The following EYS variants were observed in gnomAD, a reference collection of about 807,000 sequenced individuals.
EYS encodes the protein protein eyes shut homolog.
In EYS, 250 loss-of-function variants were observed where a neutral mutation model predicts 282.1. The observed-to-expected ratio is 0.89, with a 90% confidence interval of 0.80 to 0.98. The LOEUF is 0.98. Among genes scored for constraint, EYS ranks in the 50% least tolerant of loss-of-function variants. The pLI, the probability that EYS is intolerant of heterozygous loss-of-function variation, is 0.00. For synonymous variants in EYS, 1,355 were observed against 1,282.9 expected (o/e 1.06, Z -1.20); for missense variants, 4,016 against 3,709.0 (o/e 1.08, Z -2.15).
chr6:64,808,590 A>G (rs1481802195), intron 22 of EYS, among the ~76,000 whole-genome samples: 1 of 151,858 alleles, frequency 6.6e-6, no homozygotes, highest in Non-Finnish European at 1.5e-5. Flanking sequence ...CTGAACTCAA[A>G]GTGTAAAAAA....
At chr6:65,274,470 C>T (rs1456279138) in intron 12 of EYS, among the ~76,000 whole-genome samples, 4 of 152,160 alleles carry the variant, frequency 2.6e-5, no homozygotes, top group Non-Finnish European at 4.4e-5. Context: ...AGCACATCTC[C>T]TTGTCCCTAG....
chr6:65,314,226 C>T (rs1393104357), intron 11 of EYS, among the ~76,000 whole-genome samples: 9 of 151,086 alleles, frequency 6.0e-5, no homozygotes, highest in Non-Finnish European at 1.0e-4. Flanking sequence ...CATTTAAAAT[C>T]GAAACCCCCC....
intron 12 of EYS, among the ~76,000 whole-genome samples, chr6:65,258,878 G>C (rs1176953618): frequency 6.6e-6 from 1 of 151,980 alleles, no homozygotes; most frequent in Non-Finnish European, 1.5e-5. Flanking sequence ...ACATAATTGT[G>C]AAATCTCCCA....
At chr6:65,673,479 G>A (rs1015301023) in intron 1 of EYS, among the ~76,000 whole-genome samples, 2 of 152,106 alleles carry the variant, frequency 1.3e-5, no homozygotes, top group African/African-American at 4.8e-5. Context: ...AGGTATTTAA[G>A]GACTAAGAAT....
At chr6:63,943,431 AT>A (rs1765301404) in intron 35 of EYS, among the ~76,000 whole-genome samples, 1 of 152,214 alleles carries the variant, frequency 6.6e-6, no homozygotes, top group Middle Eastern at 3.2e-3. Flanking sequence ...CTCAGAAAAT[AT>A]TTTGCCTAGC....
At chr6:65,242,652 G>A (rs1193887799) in intron 12 of EYS, among the ~76,000 whole-genome samples, 2 of 152,006 alleles carry the variant, frequency 1.3e-5, no homozygotes, top group Non-Finnish European at 2.9e-5. Flanking sequence ...GAATTGATGG[G>A]TCATATGATA....
chr6:64,640,031 A>C (rs1768074277), intron 22 of EYS, among the ~76,000 whole-genome samples: 2 of 139,982 alleles, frequency 1.4e-5, no homozygotes, highest in South Asian at 5.0e-4. Flanking sequence ...ATCTCACACC[A>C]GTTAGAATGG....
At chr6:64,182,220 AATC>A (rs1764806796) in intron 31 of EYS, among the ~76,000 whole-genome samples, 1 of 152,146 alleles carries the variant, frequency 6.6e-6, no homozygotes, top group South Asian at 2.1e-4. Flanking sequence ...CCATATGTGA[AATC>A]ATCATATGGA....
At chr6:63,957,723 T>A (rs184956805) in intron 35 of EYS, among the ~76,000 whole-genome samples, 3 of 140,908 alleles carry the variant, frequency 2.1e-5, no homozygotes, top group African/African-American at 7.3e-5. Flanking sequence ...ACAATATTCT[T>A]AAGTACTTTC....
At chr6:64,255,268 C>T (rs754643940) in intron 30 of EYS, among the ~76,000 whole-genome samples, 1 of 151,964 alleles carries the variant, frequency 6.6e-6, no homozygotes, top group Non-Finnish European at 1.5e-5. Context: ...CTTAAACATC[C>T]AGGGGAAGGG....
intron 5 of EYS, among the ~76,000 whole-genome samples, chr6:65,423,208 A>T (rs187771188): frequency 3.9e-5 from 6 of 151,986 alleles, no homozygotes; most frequent in African/African-American, 1.2e-4. Flanking sequence ...AAGGGGGAGG[A>T]GTAAATATCT....
At chr6:64,989,039 T>G (rs1032174607) in intron 14 of EYS, among the ~76,000 whole-genome samples, 1 of 151,416 alleles carries the variant, frequency 6.6e-6, no homozygotes, top group Non-Finnish European at 1.5e-5. Context: ...TAATGCCTTG[T>G]ATGGGACAGG....
At chr6:64,726,743 A>G (rs1473286633) in intron 22 of EYS, among the ~76,000 whole-genome samples, 2 of 152,192 alleles carry the variant, frequency 1.3e-5, no homozygotes, top group African/African-American at 4.8e-5. Flanking sequence ...GATTTATAGA[A>G]GGATGTGCAA....
chr6:65,177,920 T>C (rs539191633), intron 12 of EYS, among the ~76,000 whole-genome samples: 31 of 152,068 alleles, frequency 2.0e-4, no homozygotes, highest in South Asian at 1.0e-3. Context: ...TGAGAATGAT[T>C]TTTTTTCTCC....
At chr6:64,406,165 A>G (rs1306053903) in intron 28 of EYS, among the ~76,000 whole-genome samples, 1 of 152,202 alleles carries the variant, frequency 6.6e-6, no homozygotes, top group Non-Finnish European at 1.5e-5. Flanking sequence ...CCACACATCT[A>G]CAACAATTTG....
intron 21 of EYS, among the ~76,000 whole-genome samples, chr6:64,814,583 T>C (rs951535428): frequency 5.3e-5 from 8 of 151,990 alleles, no homozygotes; most frequent in African/African-American, 1.7e-4. Context: ...GTTTAGGGTT[T>C]ATATATATAC....
intron 27 of EYS, 114 bp from the exon 28 acceptor site, chr6:64,436,379 A>G: frequency 1.6e-6 from 1 of 609,648 alleles, no homozygotes; most frequent in Non-Finnish European, 2.9e-6. Context: ...TTGGAGAGAC[A>G]TGAAGTTTGA....
chr6:65,568,882 G>A (rs1562263941), intron 2 of EYS, among the ~76,000 whole-genome samples: 2 of 152,158 alleles, frequency 1.3e-5, no homozygotes, highest in African/African-American at 2.4e-5. Context: ...AGAATATTAT[G>A]ACAGTGAAAG....
At position 64,591,668 on chromosome 6, in the gene EYS, G is replaced by T. The variant is rs1245304444; in HGVS notation, c.4199C>A (p.Ser1400Ter). 1.9e-6 allele frequency: 3 copies of T among 1,551,098 alleles called. No homozygotes were observed. The highest frequency in any genetic ancestry group is 1.7e-6 in the Non-Finnish European group (2 of 1,146,718). Residue 1400 changes from serine (S) to a stop codon, truncating the protein, a stop_gained, in exon 26 of 43, where the codon TCA (serine) becomes TAA (stop). Coordinates refer to ENST00000503581, the MANE Select transcript of EYS (RefSeq NM_001142800.2). LOFTEE classifies it high-confidence loss of function. Reference sequence around the variant, plus strand: ...AGATTGTGTAGGAAAAATAAAATCTGACATTAAGGAAGACATGATAAATGG... The same window carrying T: ...AGATTGTGTAGGAAAAATAAAATCTTACATTAAGGAAGACATGATAAATGG... ...RTPFIMSSLM[S>*]DFIFPTQSLL...
Sources: gnomAD v4.1 joint callset for allele counts (sites outside exome capture counted in the v4.1 genomes callset) on GRCh38, gnomAD v4.1.1 for gene constraint, MANE v1.5 for transcripts, NCBI Gene and HGNC (gene_info 2026-07-23, HGNC 2026-07-21) for gene names.